Variants in ERC2 observed in about 807,000 individuals in gnomAD.
ERC2 encodes the protein ERC protein 2.
Under a neutral mutation model 114.8 loss-of-function variants are expected in ERC2, and 42 were observed. The observed-to-expected ratio is 0.37, with a 90% CI of 0.29 to 0.47. ERC2 has a LOEUF of 0.47. Among genes scored for constraint, ERC2 ranks in the 20% least tolerant of loss-of-function variants. The probability of loss-of-function intolerance (pLI) is 0.99; values close to 1 mark genes in which losing one functional copy is unlikely to be tolerated. For synonymous variants in ERC2, 454 were observed against 425.5 expected (o/e 1.07, Z -0.82); for missense variants, 939 against 1,150.7 (o/e 0.82, Z 2.66).
At chr3:56,219,549 C>A (rs2049754054) in intron 3 of ERC2, among the ~76,000 whole-genome samples, 1 of 151,094 alleles carries the variant, frequency 6.6e-6, no homozygotes. Context: ...ACCACACAAG[C>A]AAAGATACTA....
intron 17 of ERC2, among the ~76,000 whole-genome samples, chr3:55,570,607 A>T (rs1244630707): frequency 6.6e-6 from 1 of 152,108 alleles, no homozygotes; most frequent in Non-Finnish European, 1.5e-5. Flanking sequence ...CTAACTCACC[A>T]CTGGCATGCC....
At chr3:56,109,321 G>A (rs1392141954) in intron 6 of ERC2, among the ~76,000 whole-genome samples, 1 of 152,090 alleles carries the variant, frequency 6.6e-6, no homozygotes, top group African/African-American at 2.4e-5. Context: ...ATGGCCTCCA[G>A]CTCCATCCAT....
intron 17 of ERC2, among the ~76,000 whole-genome samples, chr3:55,553,211 G>A (rs964304985): frequency 6.0e-5 from 9 of 150,816 alleles, no homozygotes; most frequent in Admixed American, 2.6e-4. Flanking sequence ...TAGTAGAGAC[G>A]GGGTTTCATC....
At chr3:56,049,021 C>G (rs2149679846) in intron 7 of ERC2, among the ~76,000 whole-genome samples, 1 of 152,108 alleles carries the variant, frequency 6.6e-6, no homozygotes, top group East Asian at 1.9e-4. Flanking sequence ...TGCAAGGGCC[C>G]TAAGGCAAAA....
At chr3:56,128,212 G>A (rs892629640) in intron 6 of ERC2, among the ~76,000 whole-genome samples, 2 of 152,140 alleles carry the variant, frequency 1.3e-5, no homozygotes, top group African/African-American at 4.8e-5. Context: ...TGTAGGGCTT[G>A]TTTTACAGTT....
chr3:55,846,935 T>A (rs1243453426), intron 14 of ERC2, among the ~76,000 whole-genome samples: 1 of 152,170 alleles, frequency 6.6e-6, no homozygotes, highest in Non-Finnish European at 1.5e-5. Flanking sequence ...GCTTCATACA[T>A]CTGCCTGTTA....
intron 14 of ERC2, among the ~76,000 whole-genome samples, chr3:55,849,565 G>T (rs940051790): frequency 5.9e-5 from 9 of 152,232 alleles, no homozygotes; most frequent in African/African-American, 2.2e-4. Context: ...GTAATAGCTG[G>T]CACCGACGCA....
chr3:56,425,697 TC>T (rs34955101), intron 2 of ERC2, among the ~76,000 whole-genome samples: 4 of 151,564 alleles, frequency 2.6e-5, no homozygotes, highest in Non-Finnish European at 5.9e-5. Context: ...TCATTGAACC[TC>T]CCTGAAACAT....
chr3:56,375,094 C>A (rs1421915528), intron 2 of ERC2, among the ~76,000 whole-genome samples: 1 of 152,138 alleles, frequency 6.6e-6, no homozygotes, highest in Non-Finnish European at 1.5e-5. Context: ...CCCAAAATTA[C>A]CAGGTTGCAT....
At chr3:55,971,206 C>T (rs2069130625) in intron 12 of ERC2, among the ~76,000 whole-genome samples, 1 of 151,882 alleles carries the variant, frequency 6.6e-6, no homozygotes, top group Non-Finnish European at 1.5e-5. Context: ...GGAGTGACTG[C>T]TAATGGGTAT....
intron 15 of ERC2, among the ~76,000 whole-genome samples, chr3:55,714,681 A>ATGTGTG (rs1559539057): frequency 2.5e-4 from 2 of 8,130 alleles, no homozygotes; most frequent in Non-Finnish European, 5.1e-4. Flanking sequence ...ATATATATAT[A>ATGTGTG]TATATATATA....
intron 14 of ERC2, among the ~76,000 whole-genome samples, chr3:55,807,430 C>G (rs889740382): frequency 1.3e-5 from 2 of 152,130 alleles, no homozygotes; most frequent in Non-Finnish European, 2.9e-5. Flanking sequence ...CCAACTTCAA[C>G]CATGCTAGGG....
intron 14 of ERC2, among the ~76,000 whole-genome samples, chr3:55,736,220 C>T (rs1412589354): frequency 1.3e-5 from 2 of 152,102 alleles, no homozygotes; most frequent in Non-Finnish European, 2.9e-5. Flanking sequence ...ACTTGAAATC[C>T]AGACCTTTTA....
At chr3:55,513,717 T>G (rs2052277577) in intron 17 of ERC2, among the ~76,000 whole-genome samples, 1 of 152,064 alleles carries the variant, frequency 6.6e-6, no homozygotes, top group Admixed American at 6.6e-5. Flanking sequence ...CACAGCAGCC[T>G]CGACCTCCTG....
intron 7 of ERC2, among the ~76,000 whole-genome samples, chr3:56,040,266 T>G (rs996986234): frequency 6.6e-6 from 1 of 152,170 alleles, no homozygotes; most frequent in Non-Finnish European, 1.5e-5. Flanking sequence ...AGGAGAAAGA[T>G]AGCTTGTTTT....
chr3:55,924,411 G>C (rs908671242), intron 13 of ERC2, among the ~76,000 whole-genome samples: 3 of 152,080 alleles, frequency 2.0e-5, no homozygotes, highest in South Asian at 2.1e-4. Context: ...ATCCAGGTTT[G>C]GCCCACAGAC....
intron 17 of ERC2, among the ~76,000 whole-genome samples, chr3:55,521,174 A>G (rs2052906636): frequency 6.6e-6 from 1 of 152,192 alleles, no homozygotes; most frequent in Non-Finnish European, 1.5e-5. Context: ...TTGAAGATCA[A>G]GGTTTTGCGA....
intron 15 of ERC2, among the ~76,000 whole-genome samples, chr3:55,731,027 C>T (rs981712994): frequency 6.6e-6 from 1 of 152,306 alleles, no homozygotes; most frequent in East Asian, 1.9e-4. Context: ...ATCTGGGACT[C>T]ACCCTTCCAG....
intron 8 of ERC2, among the ~76,000 whole-genome samples, chr3:56,015,167 A>G (rs889519893): frequency 6.6e-6 from 1 of 152,196 alleles, no homozygotes; most frequent in African/African-American, 2.4e-5. Context: ...CAAAATGTAC[A>G]TTCTTTATCT....
Sources: allele counts gnomAD v4.1 joint callset (sites outside exome capture counted in the v4.1 genomes callset), GRCh38; gene constraint gnomAD v4.1.1; transcripts MANE v1.5; gene names NCBI Gene and HGNC (gene_info 2026-07-23, HGNC 2026-07-21).